CDH2: variants seen among roughly 807,000 people sequenced by gnomAD.
CDH2 encodes cadherin 2, also known as cadherin-2.
Under a neutral mutation model 92.0 loss-of-function variants are expected in CDH2, and 17 were observed. The observed-to-expected ratio is 0.18, with a 90% CI of 0.13 to 0.28. The LOEUF is 0.28. CDH2 is among the 10% of genes least tolerant of loss of function. The pLI, the probability that CDH2 is intolerant of heterozygous loss-of-function variation, is 1.00. For missense variants in CDH2, 862 were observed against 1,133.1 expected (o/e 0.76, Z 3.44); for synonymous variants, 419 against 415.9 (o/e 1.01, Z -0.09).
At chr18:28,120,267 A>C (rs2015565105) in intron 2 of CDH2, among the ~76,000 whole-genome samples, 1 of 151,942 alleles carries the variant, frequency 6.6e-6, no homozygotes. Context: ...TGTGTCATAT[A>C]TATATATTTT....
chr18:28,047,028 G>A (rs17535573), intron 2 of CDH2, among the ~76,000 whole-genome samples: 146 of 152,278 alleles, frequency 9.6e-4, no homozygotes, highest in African/African-American at 3.2e-3. Flanking sequence ...GGAATGTGCT[G>A]AAAACCAAAT....
At chr18:27,988,323 G>T (rs890003096) in intron 11 of CDH2, among the ~76,000 whole-genome samples, 3 of 152,146 alleles carry the variant, frequency 2.0e-5, no homozygotes, top group Admixed American at 2.0e-4. Flanking sequence ...AACGATGGAT[G>T]GACATCGAGA....
intron 2 of CDH2, among the ~76,000 whole-genome samples, chr18:28,085,769 C>T (rs951030747): frequency 2.0e-5 from 3 of 152,110 alleles, no homozygotes; most frequent in Non-Finnish European, 1.5e-5. Flanking sequence ...TCACGGTAAT[C>T]CTTGAATCCC....
chr18:28,036,536 T>G, intron 2 of CDH2: 1 of 1,605,088 alleles, frequency 6.2e-7, no homozygotes, highest in Non-Finnish European at 8.5e-7. Flanking sequence ...ACATAACGCC[T>G]TAATAAAAAC....
At chr18:28,012,946 T>C (rs1156376037) in intron 3 of CDH2, among the ~76,000 whole-genome samples, 1 of 152,206 alleles carries the variant, frequency 6.6e-6, no homozygotes, top group Non-Finnish European at 1.5e-5. Context: ...CATAGTTCCA[T>C]AGTTCATGGA....
chr18:27,961,612 T>C (rs1010769153), intron 15 of CDH2, among the ~76,000 whole-genome samples: 1 of 152,080 alleles, frequency 6.6e-6, no homozygotes, highest in Non-Finnish European at 1.5e-5. Context: ...ACGTGAGGGG[T>C]AGAAGAAGGC....
chr18:28,050,147 G>A (rs888891588), intron 2 of CDH2, among the ~76,000 whole-genome samples: 3 of 152,262 alleles, frequency 2.0e-5, no homozygotes, highest in African/African-American at 4.8e-5. Context: ...AGTGATTGTC[G>A]TTTTAAGCCA....
chr18:28,091,382 T>C (rs1032891855), intron 2 of CDH2, among the ~76,000 whole-genome samples: 2 of 152,190 alleles, frequency 1.3e-5, no homozygotes, highest in Non-Finnish European at 2.9e-5. Context: ...TGGATTTAAT[T>C]CCCTTTAGTT....
chr18:28,055,587 T>C (rs2014276279), intron 2 of CDH2, among the ~76,000 whole-genome samples: 1 of 152,204 alleles, frequency 6.6e-6, no homozygotes, highest in Non-Finnish European at 1.5e-5. Context: ...TATATCTATA[T>C]ATGTCTGTAT....
At chr18:28,003,454 G>A (rs1184446062) in intron 6 of CDH2, among the ~76,000 whole-genome samples, 1 of 151,930 alleles carries the variant, frequency 6.6e-6, no homozygotes, top group African/African-American at 2.4e-5. Flanking sequence ...ATTCCAAAAA[G>A]GTTCATTTTA....
At chr18:28,029,814 C>A (rs1487674876) in intron 2 of CDH2, among the ~76,000 whole-genome samples, 1 of 152,038 alleles carries the variant, frequency 6.6e-6, no homozygotes, top group African/African-American at 2.4e-5. Flanking sequence ...CCAAATGCTG[C>A]TACACACTCT....
At chr18:28,173,510 GCTT>G (rs1490906624) in intron 1 of CDH2, among the ~76,000 whole-genome samples, 2 of 151,518 alleles carry the variant, frequency 1.3e-5, no homozygotes, top group African/African-American at 4.8e-5. Context: ...GAACAAAGCT[GCTT>G]CTTTTTATGT....
intron 1 of CDH2, among the ~76,000 whole-genome samples, chr18:28,153,546 C>T (rs1279198187): frequency 6.6e-6 from 1 of 152,186 alleles, no homozygotes; most frequent in Non-Finnish European, 1.5e-5. Flanking sequence ...GGCAACACCC[C>T]CCAACCCCCC....
In CDH2 at chr18:27,937,414, T is replaced by C. The variant is rs190806384; in HGVS notation, c.1152-4290A>G. On this transcript the variant is annotated intron_variant, in intron 6 of 6. Transcript: ENST00000675173. ...TTAGTTTACTCACCGGTAAGACAGG[T>C]TGAGGTTTGGATCATATTAGATAAT... Among the ~76,000 whole-genome samples, 261 of 152,266 alleles carry C rather than the reference T, an allele frequency of 1.7e-3. 1 individual carries two copies. Among genetic ancestry groups the C allele is most frequent in the African/African-American group, 5.9e-3 (247 of 41,574 alleles).
chr18:28,104,262 C>A (rs927258385), intron 2 of CDH2, among the ~76,000 whole-genome samples: 1 of 152,152 alleles, frequency 6.6e-6, no homozygotes, highest in African/African-American at 2.4e-5. Context: ...ATTAAAAGAA[C>A]CCTAAAGTCT....
rs760441394 is a variant in CDH2 at position 27,952,149 on chromosome 18, A to G, written c.*4T>C. ...TTGTCCAAAAACCAAGTTCACCCTGAAGTTCAGTCATCACCTCCACCATAC... is the reference window on the plus strand; with the variant it reads ...TTGTCCAAAAACCAAGTTCACCCTGGAGTTCAGTCATCACCTCCACCATAC... On this transcript the variant is annotated 3_prime_UTR_variant, in exon 16 of 16. Coordinates refer to ENST00000269141, the MANE Select transcript of CDH2 (RefSeq NM_001792.5). 6.2e-7 allele frequency: 1 copy of G among 1,612,354 alleles called. No individual in the cohort carries two copies. Among genetic ancestry groups the G allele is most frequent in the South Asian group, 1.1e-5 (1 of 91,048 alleles).
Position 27,983,061 on chromosome 18 carries a change from T to C in CDH2, c.2232A>G (p.Val744=), listed in dbSNP as rs375379734. Residue 744 remains valine (V), a synonymous_variant, in exon 14 of 16, where the codon GTA becomes GTG. Coordinates refer to ENST00000269141, the MANE Select transcript of CDH2 (RefSeq NM_001792.5). ...GTTCTTTATCCCGGCGTTTCATCCA[T>C]ACCACAAACATCAGCACAAGGACTA... ...ILLILVLMFV[V]WMKRRDKERQ... is the part of the protein sequence containing the mutation. 40 of 1,612,878 alleles carry C rather than the reference T, an allele frequency of 2.5e-5. No homozygotes were observed. Among genetic ancestry groups the C allele is most frequent in the Non-Finnish European group, 3.2e-5 (38 of 1,179,306 alleles).
At chr18:27,955,155 C>T (rs1480221205) in intron 15 of CDH2, among the ~76,000 whole-genome samples, 3 of 152,034 alleles carry the variant, frequency 2.0e-5, no homozygotes, top group East Asian at 3.9e-4. Flanking sequence ...AATTATTAAG[C>T]GAAAATACAC....
chr18:28,065,793 C>T (rs748865197), intron 2 of CDH2, among the ~76,000 whole-genome samples: 31 of 152,176 alleles, frequency 2.0e-4, no homozygotes, highest in South Asian at 1.0e-3. Flanking sequence ...GAGAAGTATA[C>T]GAAGATCTCA....
Sources: allele counts gnomAD v4.1 joint callset (sites outside exome capture counted in the v4.1 genomes callset), GRCh38; gene constraint gnomAD v4.1.1; transcripts MANE v1.5; gene names NCBI Gene and HGNC (gene_info 2026-07-23, HGNC 2026-07-21).